Variants in GLI2 observed in about 807,000 individuals in gnomAD.
The protein encoded by GLI2 is transcription activator GLI2.
A neutral mutation model predicts 78.9 loss-of-function variants in GLI2; 22 were observed. That is an observed-to-expected ratio of 0.28 (90% CI 0.20 to 0.40). The LOEUF (loss-of-function observed/expected upper bound fraction) is 0.40. GLI2 is among the 10% of genes least tolerant of loss of function. The pLI, the probability that GLI2 is intolerant of heterozygous loss-of-function variation, is 1.00. For missense variants in GLI2, 2,097 were observed against 2,213.2 expected (o/e 0.95, Z 1.05); for synonymous variants, 974 against 963.7 (o/e 1.01, Z -0.20).
At chr2:120,789,884 C>T (rs575394255) in intron 1 of GLI2, among the ~76,000 whole-genome samples, 5 of 152,176 alleles carry the variant, frequency 3.3e-5, no homozygotes, top group Admixed American at 6.5e-5. Flanking sequence ...AAGCAAGGTT[C>T]GAGATATTGG....
chr2:120,911,229 C>A (rs1273365296), intron 2 of GLI2, among the ~76,000 whole-genome samples: 1 of 152,224 alleles, frequency 6.6e-6, no homozygotes, highest in Non-Finnish European at 1.5e-5. Flanking sequence ...CACAGATTAG[C>A]CATTTGACTG....
chr2:120,793,488 A>G (rs1158508129), intron 1 of GLI2, among the ~76,000 whole-genome samples: 1 of 152,122 alleles, frequency 6.6e-6, no homozygotes, highest in South Asian at 2.1e-4. Flanking sequence ...CCTGCCTCAG[A>G]TGAGCTTTGG....
At chr2:120,765,581 C>T (rs942887260) in intron 1 of GLI2, among the ~76,000 whole-genome samples, 2 of 152,238 alleles carry the variant, frequency 1.3e-5, no homozygotes, top group African/African-American at 4.8e-5. Context: ...GGAAGGGCCC[C>T]TCAGGATCTG....
At chr2:120,985,003 C>T (rs957554841) in intron 12 of GLI2, among the ~76,000 whole-genome samples, 8 of 152,176 alleles carry the variant, frequency 5.3e-5, no homozygotes, top group South Asian at 2.1e-4. Flanking sequence ...CCGCCCTGTA[C>T]GGTGGGCCTG....
chr2:120,747,226 T>C (rs1682720537), intron 1 of GLI2, among the ~76,000 whole-genome samples: 1 of 152,200 alleles, frequency 6.6e-6, no homozygotes, highest in African/African-American at 2.4e-5. Context: ...TGGGAGGTGC[T>C]AGCTAGAGGT....
intron 2 of GLI2, 116 bp downstream of exon 2, chr2:120,797,584 C>A: frequency 1.0e-6 from 1 of 995,452 alleles, no homozygotes. Flanking sequence ...TTATGGAGGG[C>A]GAAGAGGAAG....
intron 2 of GLI2, among the ~76,000 whole-genome samples, chr2:120,845,412 C>CTAG (rs1330792258): frequency 1.3e-5 from 2 of 152,234 alleles, no homozygotes; most frequent in African/African-American, 4.8e-5. Context: ...CCCCACTTGG[C>CTAG]TTCAAGGAAC....
chr2:120,789,206 T>C (rs1684081442), intron 1 of GLI2, among the ~76,000 whole-genome samples: 1 of 151,830 alleles, frequency 6.6e-6, no homozygotes, highest in Non-Finnish European at 1.5e-5. Context: ...TGATTTTTAG[T>C]AGAGACGGGG....
chr2:120,948,252 C>T (rs531899904), intron 3 of GLI2, among the ~76,000 whole-genome samples: 1 of 152,178 alleles, frequency 6.6e-6, no homozygotes, highest in African/African-American at 2.4e-5. Flanking sequence ...TTTTTCCATA[C>T]CCTCCTGAGG....
intron 3 of GLI2, among the ~76,000 whole-genome samples, chr2:120,939,623 A>C (rs1680359939): frequency 6.6e-6 from 1 of 152,188 alleles, no homozygotes; most frequent in Non-Finnish European, 1.5e-5. Flanking sequence ...TTTTCCTGCT[A>C]ATGTGTAGGG....
intron 9 of GLI2, among the ~76,000 whole-genome samples, chr2:120,977,077 C>T (rs542118683): frequency 4.6e-5 from 7 of 152,304 alleles, no homozygotes; most frequent in Non-Finnish European, 1.0e-4. Flanking sequence ...GGCATCTGTA[C>T]GCGTGACAGT....
At chr2:120,904,192 C>G (rs1558870983) in intron 2 of GLI2, among the ~76,000 whole-genome samples, 1 of 152,160 alleles carries the variant, frequency 6.6e-6, no homozygotes, top group East Asian at 1.9e-4. Context: ...CTAGGCCCTT[C>G]TGGAAAGAGC....
intron 2 of GLI2, among the ~76,000 whole-genome samples, chr2:120,899,002 G>A (rs1048574044): frequency 2.0e-5 from 3 of 152,192 alleles, no homozygotes; most frequent in African/African-American, 4.8e-5. Flanking sequence ...AGGGTCTGCG[G>A]TGGAGTCCTT....
intron 2 of GLI2, among the ~76,000 whole-genome samples, chr2:120,890,775 A>G (rs1050544950): frequency 3.3e-5 from 5 of 152,150 alleles, no homozygotes; most frequent in African/African-American, 1.2e-4. Flanking sequence ...CTGTTTCCCA[A>G]GGGGCTGGGC....
chr2:120,924,890 T>C (rs1452813856), intron 2 of GLI2, among the ~76,000 whole-genome samples: 1 of 152,254 alleles, frequency 6.6e-6, no homozygotes, highest in Non-Finnish European at 1.5e-5. Flanking sequence ...CTGCACAGTC[T>C]CCGGGCGAAG....
intron 1 of GLI2, among the ~76,000 whole-genome samples, chr2:120,782,128 A>G (rs543733937): frequency 6.6e-6 from 1 of 152,326 alleles, no homozygotes; most frequent in South Asian, 2.1e-4. Flanking sequence ...TCTCGCTACG[A>G]TAGCAATTTA....
chr2:120,885,388 C>A (rs1677347209), intron 2 of GLI2, among the ~76,000 whole-genome samples: 1 of 152,234 alleles, frequency 6.6e-6, no homozygotes, highest in African/African-American at 2.4e-5. Flanking sequence ...GCAGCAGCTG[C>A]AGTCTCACAG....
At chr2:120,776,015 G>A (rs1234361588) in intron 1 of GLI2, among the ~76,000 whole-genome samples, 6 of 152,258 alleles carry the variant, frequency 3.9e-5, no homozygotes, top group Non-Finnish European at 8.8e-5. Context: ...CTGCCCAGGG[G>A]CTGGGATGGT....
chr2:120,916,385 G>A (rs978913561), intron 2 of GLI2, among the ~76,000 whole-genome samples: 1 of 152,246 alleles, frequency 6.6e-6, no homozygotes, highest in African/African-American at 2.4e-5. Flanking sequence ...TGTCCGCACT[G>A]CCCTGAGCCT....
Sources: gnomAD v4.1 joint callset for allele counts (sites outside exome capture counted in the v4.1 genomes callset) on GRCh38, gnomAD v4.1.1 for gene constraint, MANE v1.5 for transcripts, NCBI Gene and HGNC (gene_info 2026-07-23, HGNC 2026-07-21) for gene names.